Variants in SORCS1 observed in about 807,000 individuals in gnomAD.
SORCS1 encodes the protein sortilin related VPS10 domain containing receptor 1, also known as VPS10 domain-containing receptor SorCS1.
SORCS1 carries 60 observed loss-of-function variants against 146.1 expected under a neutral mutation model. That is an observed-to-expected ratio of 0.41 (90% CI 0.33 to 0.51). The LOEUF (loss-of-function observed/expected upper bound fraction) is 0.51. Ranked by LOEUF, SORCS1 falls within the 20% of genes least tolerant of loss-of-function variation. The pLI, the probability that SORCS1 is intolerant of heterozygous loss-of-function variation, is 0.21. For synonymous variants in SORCS1, 637 were observed against 584.0 expected (o/e 1.09, Z -1.31); for missense variants, 1,352 against 1,487.6 (o/e 0.91, Z 1.50).
intron 2 of SORCS1, among the ~76,000 whole-genome samples, chr10:106,934,985 G>A (rs1322963943): frequency 6.6e-6 from 1 of 151,568 alleles, no homozygotes; most frequent in Non-Finnish European, 1.5e-5. Context: ...TCAGGTGATG[G>A]GTACACTAAA....
At position 106,891,504 on chromosome 10, in the gene SORCS1, C is replaced by CTTTTTTTTTTTTTTTT. The variant is rs760812204; in HGVS notation, c.627-61832_627-61831insAAAAAAAAAAAAAAAA. Among the ~76,000 whole-genome samples the CTTTTTTTTTTTTTTTT allele has an allele frequency of 9.2e-4, 89 of 97,216 alleles. 7 individuals carry two copies. In the East Asian group the frequency reaches 9.2e-3, roughly 10 times the overall value. The allele number at this position is 97,216 out of a possible 152,430, so 63.8% of individuals were successfully genotyped here. Reference sequence around the variant, plus strand: ...GTAATCAGAAGTTTCAATGGGAATTCTTTTTTTTTTTTTGAGAAAAGACCT... The same window carrying CTTTTTTTTTTTTTTTT: ...GTAATCAGAAGTTTCAATGGGAATTCTTTTTTTTTTTTTTTTTTTTTTTTTTTTTGAGAAAAGACCT... On this transcript the variant is annotated intron_variant, in intron 2 of 25. Transcript: ENST00000263054.
In SORCS1 at chr10:106,904,731, C is replaced by A. The variant is rs79449593; in HGVS notation, c.626+51782G>T. Among the ~76,000 whole-genome samples, 319 of 152,294 alleles carry A rather than the reference C, an allele frequency of 2.1e-3. 3 individuals carry two copies. Among genetic ancestry groups the A allele is most frequent in the African/African-American group, 6.7e-3 (279 of 41,566 alleles). On this transcript the variant is annotated intron_variant, in intron 2 of 25. Coordinates refer to ENST00000263054, the MANE Select transcript of SORCS1 (RefSeq NM_052918.5). Reference sequence around the variant, plus strand: ...TTACCTAATTATCCCACAAATGGATCCAACTGATAGACCCGTTTTGGCCCA... The same window carrying A: ...TTACCTAATTATCCCACAAATGGATACAACTGATAGACCCGTTTTGGCCCA...
intron 18 of SORCS1, among the ~76,000 whole-genome samples, chr10:106,637,892 C>T (rs1016180574): frequency 6.6e-6 from 1 of 152,102 alleles, no homozygotes; most frequent in African/African-American, 2.4e-5. Flanking sequence ...ATGATAGTAC[C>T]ATGTATTTGA....
intron 5 of SORCS1, among the ~76,000 whole-genome samples, chr10:106,744,414 C>T (rs1056905975): frequency 6.6e-6 from 1 of 152,032 alleles, no homozygotes; most frequent in Non-Finnish European, 1.5e-5. Flanking sequence ...CATCATGTTA[C>T]TTTTAGACAT....
At chr10:106,962,444 G>T (rs1191022406) in intron 1 of SORCS1, among the ~76,000 whole-genome samples, 1 of 149,844 alleles carries the variant, frequency 6.7e-6, no homozygotes, top group Admixed American at 6.7e-5. Flanking sequence ...AAGAAAATGG[G>T]GACATATCTC....
chr10:106,638,038 C>T (rs1848831228), intron 18 of SORCS1, among the ~76,000 whole-genome samples: 1 of 152,168 alleles, frequency 6.6e-6, no homozygotes, highest in Admixed American at 6.5e-5. Flanking sequence ...TGTACTCCCT[C>T]TAGATATTAT....
At chr10:106,777,895 G>A (rs1860576244) in intron 3 of SORCS1, among the ~76,000 whole-genome samples, 1 of 152,128 alleles carries the variant, frequency 6.6e-6, no homozygotes, top group South Asian at 2.1e-4. Flanking sequence ...GTTCAGGGAA[G>A]CATGAAATAT....
chr10:106,690,959 T>C (rs1853251902), intron 9 of SORCS1, among the ~76,000 whole-genome samples: 1 of 152,150 alleles, frequency 6.6e-6, no homozygotes, highest in Non-Finnish European at 1.5e-5. Flanking sequence ...TTGGAACCTC[T>C]ACCCTCTCAC....
intron 2 of SORCS1, among the ~76,000 whole-genome samples, chr10:106,842,140 T>A (rs12265729): frequency 0.032 from 4,916 of 152,222 alleles, 89 homozygotes; most frequent in East Asian, 0.053. Flanking sequence ...TAGCAGCGTA[T>A]CATTTTTTTT....
chr10:106,782,961 A>G (rs367842617), intron 3 of SORCS1, among the ~76,000 whole-genome samples: 1 of 152,224 alleles, frequency 6.6e-6, no homozygotes, highest in African/African-American at 2.4e-5. Context: ...ATAGAAAAGA[A>G]GGGAGTGTGC....
intron 1 of SORCS1, among the ~76,000 whole-genome samples, chr10:106,987,034 T>C (rs1047895149): frequency 6.6e-6 from 1 of 152,244 alleles, no homozygotes; most frequent in African/African-American, 2.4e-5. Context: ...TTTTTGATTG[T>C]TCATCGAACC....
At chr10:107,161,245 G>T (rs1445554838) in intron 1 of SORCS1, among the ~76,000 whole-genome samples, 1 of 152,212 alleles carries the variant, frequency 6.6e-6, no homozygotes, top group African/African-American at 2.4e-5. Flanking sequence ...TTGAATGCAG[G>T]TGTTGTCATA....
At chr10:106,621,146 T>C (rs949418126) in intron 19 of SORCS1, among the ~76,000 whole-genome samples, 11 of 152,304 alleles carry the variant, frequency 7.2e-5, no homozygotes, top group Admixed American at 2.0e-4. Flanking sequence ...TGTGTGTAAG[T>C]AGATAGAGAG....
At chr10:107,035,183 A>ATCTTTTTAGATGTGGAGACTTATAT (rs1308454851) in intron 1 of SORCS1, among the ~76,000 whole-genome samples, 13 of 148,306 alleles carry the variant, frequency 8.8e-5, no homozygotes, top group Non-Finnish European at 1.8e-4. Flanking sequence ...GGCCCCCTAC[A>ATCTTTTTAGATGTGGAGACTTATAT]TCTTTTTAGA....
intron 12 of SORCS1, 21 bp from the exon 13 acceptor site, chr10:106,677,425 C>T (rs781518608): frequency 6.9e-6 from 11 of 1,596,644 alleles, no homozygotes; most frequent in Middle Eastern, 1.7e-4. Flanking sequence ...AAAACACATA[C>T]ATGGACACAC....
chr10:106,976,434 C>T (rs1956023906), intron 1 of SORCS1, among the ~76,000 whole-genome samples: 2 of 151,458 alleles, frequency 1.3e-5, no homozygotes, highest in African/African-American at 2.4e-5. Context: ...CGGGTTCACG[C>T]CATTCTCCTG....
At chr10:107,090,283 G>A (rs1391441008) in intron 1 of SORCS1, among the ~76,000 whole-genome samples, 1 of 152,162 alleles carries the variant, frequency 6.6e-6, no homozygotes, top group African/African-American at 2.4e-5. Context: ...CCACAAGAGA[G>A]GAAGTAAAGG....
intron 18 of SORCS1, among the ~76,000 whole-genome samples, chr10:106,633,906 T>A (rs1196231607): frequency 6.6e-6 from 1 of 152,206 alleles, no homozygotes; most frequent in Admixed American, 6.5e-5. Flanking sequence ...CTGCAGCCGA[T>A]GCTAGGCTGT....
intron 1 of SORCS1, among the ~76,000 whole-genome samples, chr10:106,975,425 G>A (rs528455103): frequency 2.8e-4 from 43 of 152,184 alleles, no homozygotes; most frequent in Non-Finnish European, 6.2e-4. Flanking sequence ...ATCGGGCTCA[G>A]AGAAAACTCA....
Sources: gnomAD v4.1 joint callset for allele counts (sites outside exome capture counted in the v4.1 genomes callset) on GRCh38, gnomAD v4.1.1 for gene constraint, MANE v1.5 for transcripts, NCBI Gene and HGNC (gene_info 2026-07-23, HGNC 2026-07-21) for gene names.